NPHP1: variants seen among roughly 807,000 people sequenced by gnomAD.
NPHP1 encodes the protein nephrocystin 1.
In NPHP1, 70 loss-of-function variants were observed where a neutral mutation model predicts 90.4. That is an observed-to-expected ratio of 0.77 (90% CI 0.64 to 0.95). The LOEUF (loss-of-function observed/expected upper bound fraction) is 0.95. Among genes scored for constraint, NPHP1 ranks in the 40% least tolerant of loss-of-function variants. NPHP1 has a pLI of 0.00. For synonymous variants in NPHP1, 256 were observed against 271.7 expected (o/e 0.94, Z 0.57); for missense variants, 764 against 795.9 (o/e 0.96, Z 0.48).
Position 110,163,000 on chromosome 2 carries a change from C to T in NPHP1, c.859+48G>A, listed in dbSNP as rs1292202374. ...TGTGACAGAAAAATTAGACGTGGAT[C>T]TTGACTGCTTTGCTGAAAGAGTGCA... On this transcript the variant is annotated intron_variant, in intron 9 of 19. Transcript: ENST00000445609. 3 of 1,304,432 alleles carry T rather than the reference C, an allele frequency of 2.3e-6. No homozygotes were observed. In the African/African-American group the frequency reaches 4.3e-5, roughly 19 times the overall value. The allele number at this position is 1,304,432 out of a possible 1,614,324, so 80.8% of individuals were successfully genotyped here. A position where few individuals can be genotyped will look rare whatever the true frequency, so the allele number is the denominator to read the frequency against.
At chr2:110,169,535 A>G (rs1449047687) in intron 5 of NPHP1, among the ~76,000 whole-genome samples, 1 of 152,152 alleles carries the variant, frequency 6.6e-6, no homozygotes, top group Non-Finnish European at 1.5e-5. Context: ...ATGAATTTAT[A>G]CATGACATTC....
intron 2 of NPHP1, chr2:110,184,688 T>G: frequency 1.4e-6 from 1 of 733,146 alleles, no homozygotes; most frequent in South Asian, 1.4e-5. Flanking sequence ...CGTTTGAGAT[T>G]TCCACTCATC....
intron 2 of NPHP1, among the ~76,000 whole-genome samples, chr2:110,187,015 C>T (rs1302680817): frequency 6.6e-6 from 1 of 152,054 alleles, no homozygotes; most frequent in African/African-American, 2.4e-5. Flanking sequence ...TGAAATGCAG[C>T]TAAAGCAGTG....
chr2:110,201,375 T>C, intron 2 of NPHP1, 46 bp downstream of exon 2: 1 of 1,193,678 alleles, frequency 8.4e-7, no homozygotes, highest in Non-Finnish European at 1.2e-6. Context: ...TGCATTGAAA[T>C]GTAAGTGCGG....
chr2:110,169,174 G>T (rs927697610), intron 5 of NPHP1, among the ~76,000 whole-genome samples: 1 of 150,588 alleles, frequency 6.6e-6, no homozygotes, highest in African/African-American at 2.4e-5. Flanking sequence ...TTTTCCAGGA[G>T]AATTTGAAAA....
chr2:110,189,145 C>T (rs1684501133), intron 2 of NPHP1, among the ~76,000 whole-genome samples: 1 of 152,092 alleles, frequency 6.6e-6, no homozygotes, highest in Admixed American at 6.5e-5. Flanking sequence ...CAAAACTTGA[C>T]AAATAGGATC....
At chr2:110,124,562 G>A (rs757234351) in intron 19 of NPHP1, 9 of 223,908 alleles carry the variant, frequency 4.0e-5, no homozygotes, top group Non-Finnish European at 5.4e-5. Context: ...GTCCTTTGGT[G>A]ATGAGGATGT....
chr2:110,192,260 A>G (rs1279315402), intron 2 of NPHP1, among the ~76,000 whole-genome samples: 1 of 152,162 alleles, frequency 6.6e-6, no homozygotes, highest in Non-Finnish European at 1.5e-5. Context: ...AAACCTTGAA[A>G]AAAGATTAGA....
chr2:110,182,668 G>T (rs1048671686), intron 2 of NPHP1, among the ~76,000 whole-genome samples: 3 of 152,164 alleles, frequency 2.0e-5, no homozygotes, highest in African/African-American at 7.2e-5. Flanking sequence ...AGGAGAAATT[G>T]ATACCACCCA....
chr2:110,159,748 A>T (rs1682164606), intron 11 of NPHP1, among the ~76,000 whole-genome samples: 1 of 151,910 alleles, frequency 6.6e-6, no homozygotes, highest in Admixed American at 6.6e-5. Flanking sequence ...TGTCTTTTTT[A>T]AAATTTTCTC....
chr2:110,137,677 A>T (rs900887972), intron 16 of NPHP1, among the ~76,000 whole-genome samples: 6 of 152,082 alleles, frequency 3.9e-5, no homozygotes, highest in Non-Finnish European at 8.8e-5. Flanking sequence ...AGGAAACAAC[A>T]GGTGCTGGAG....
At chr2:110,166,555 A>G (rs1682742830) in intron 6 of NPHP1, among the ~76,000 whole-genome samples, 1 of 152,166 alleles carries the variant, frequency 6.6e-6, no homozygotes, top group Non-Finnish European at 1.5e-5. Context: ...TGGAATCCTT[A>G]AAAGATCCAG....
At chr2:110,183,647 T>C (rs182103218) in intron 2 of NPHP1, among the ~76,000 whole-genome samples, 110 of 152,242 alleles carry the variant, frequency 7.2e-4, no homozygotes, top group Admixed American at 9.8e-4. Context: ...GCAACCCAGA[T>C]TCATACAGCA....
Position 110,129,104 on chromosome 2 carries a change from G to T in NPHP1, c.1716+82C>A, listed in dbSNP as rs959930929. ...ACATCATCCTAGTAACAAAAAAAAAGGCCTAGACAGAACTCATTAACACAG... is the reference window on the plus strand; with the variant it reads ...ACATCATCCTAGTAACAAAAAAAAATGCCTAGACAGAACTCATTAACACAG... On this transcript the variant is annotated intron_variant, in intron 18 of 19. Transcript: ENST00000445609. 11 of 667,326 alleles carry T rather than the reference G, an allele frequency of 1.6e-5. No individual in the cohort carries two copies. The Admixed American group carries it at 2.9e-4, about 18-fold the overall frequency. 41.3% of individuals were successfully genotyped at this position (667,326 alleles called of 1,614,324 possible).
chr2:110,186,652 G>T (rs1015464513), intron 2 of NPHP1, among the ~76,000 whole-genome samples: 1 of 151,994 alleles, frequency 6.6e-6, no homozygotes, highest in African/African-American at 2.4e-5. Flanking sequence ...ATGACCAAAG[G>T]CCCCTGCCAG....
At position 110,191,324 on chromosome 2, in the gene NPHP1, C is replaced by T. The variant is rs377538248; in HGVS notation, c.143+10097G>A. 7.2e-5 allele frequency among the ~76,000 whole-genome samples: 11 copies of T among 152,294 alleles called. No individual in the cohort carries two copies. The East Asian group carries it at 7.7e-4, about 11-fold the overall frequency. On this transcript the variant is annotated intron_variant, in intron 2 of 19. Transcript: ENST00000445609. ...TCGGGTCACCCCCACCCTAATACTG[C>T]GCTTTTCCCACAGTCTTAGCAAACG...
At chr2:110,128,770 C>T (rs1509422) in intron 18 of NPHP1, 95,877 of 195,778 alleles carry the variant, frequency 0.49, 27,326 homozygotes, top group Non-Finnish European at 0.61. Context: ...AGATTTCATA[C>T]GATTTAACAT....
chr2:110,195,575 C>T (rs1409256403), intron 2 of NPHP1, among the ~76,000 whole-genome samples: 1 of 152,146 alleles, frequency 6.6e-6, no homozygotes, highest in Non-Finnish European at 1.5e-5. Flanking sequence ...AATGACCATA[C>T]TGCCCAAGGT....
chr2:110,163,461 A>G (rs938780902), intron 8 of NPHP1: 1 of 342,114 alleles, frequency 2.9e-6, no homozygotes. Flanking sequence ...GTTAATGTCT[A>G]TTGGCAAATC....
Sources: allele counts gnomAD v4.1 joint callset (sites outside exome capture counted in the v4.1 genomes callset), GRCh38; gene constraint gnomAD v4.1.1; transcripts MANE v1.5; gene names NCBI Gene and HGNC (gene_info 2026-07-23, HGNC 2026-07-21).